Variants in RAD17 observed in about 807,000 individuals in gnomAD.
The protein encoded by RAD17 is cell cycle checkpoint protein RAD17.
Under a neutral mutation model 81.5 loss-of-function variants are expected in RAD17, and 31 were observed. The ratio of observed to expected loss-of-function variants is 0.38; its 90% CI spans 0.29 to 0.51. RAD17 has a LOEUF of 0.51. RAD17 is among the 20% of genes least tolerant of loss of function. The pLI is 0.88. For synonymous variants in RAD17, 261 were observed against 266.2 expected (o/e 0.98, Z 0.19); for missense variants, 681 against 781.2 (o/e 0.87, Z 1.53).
At position 69,372,055 on chromosome 5, in the gene RAD17, G is replaced by T. The variant is rs1451968153; in HGVS notation, c.-154G>T. The T allele has an allele frequency of 4.5e-6, 6 of 1,329,516 alleles. No homozygotes were observed. The highest frequency in any genetic ancestry group is 5.0e-6 in the Non-Finnish European group (5 of 1,008,144). 82.4% of individuals were successfully genotyped at this position (1,329,516 alleles called of 1,614,324 possible). ...TCAGTATATGGGAGTCCACATTTATGTAAGAAATGAAACTATAAAATGTAT... is the reference window on the plus strand; with the variant it reads ...TCAGTATATGGGAGTCCACATTTATTTAAGAAATGAAACTATAAAATGTAT... On this transcript the variant is annotated 5_prime_UTR_variant, in exon 4 of 19. It removes an upstream start codon present in the reference 5' UTR. Coordinates refer to ENST00000354868, the MANE Select transcript of RAD17 (RefSeq NM_133338.3).
intron 6 of RAD17, among the ~76,000 whole-genome samples, chr5:69,380,694 A>T (rs1175661456): frequency 1.3e-5 from 2 of 151,674 alleles, no homozygotes; most frequent in Non-Finnish European, 2.9e-5. Context: ...TTACGGTATG[A>T]GGGAATGTTA....
intron 17 of RAD17, among the ~76,000 whole-genome samples, chr5:69,401,689 A>T (rs891471937): frequency 2.6e-5 from 4 of 152,008 alleles, no homozygotes; most frequent in Non-Finnish European, 5.9e-5. Context: ...AATTGCTTTA[A>T]GAGTACACTA....
chr5:69,390,697 G>A (rs2150828564), intron 12 of RAD17, among the ~76,000 whole-genome samples: 1 of 152,016 alleles, frequency 6.6e-6, no homozygotes, highest in East Asian at 1.9e-4. Flanking sequence ...GCTCTCGCCT[G>A]TTATCCCAAC....
chr5:69,385,230 G>C (rs1764127915), intron 8 of RAD17, among the ~76,000 whole-genome samples: 1 of 149,524 alleles, frequency 6.7e-6, no homozygotes, highest in African/African-American at 2.5e-5. Context: ...AAAGTGCTGG[G>C]ATTACAGGCG....
chr5:69,393,057 G>T, intron 13 of RAD17, 98 bp from the exon 14 acceptor site: 1 of 671,262 alleles, frequency 1.5e-6, no homozygotes, highest in Non-Finnish European at 2.5e-6. Context: ...TTACTATGTT[G>T]GTATTGTATG....
At chr5:69,385,673 A>G (rs940773640) in intron 8 of RAD17, among the ~76,000 whole-genome samples, 1 of 152,230 alleles carries the variant, frequency 6.6e-6, no homozygotes, top group Non-Finnish European at 1.5e-5. Context: ...GTAAAATACA[A>G]CACAAAGGCT....
chr5:69,387,641 T>C (rs542099338), intron 11 of RAD17, among the ~76,000 whole-genome samples: 24 of 152,270 alleles, frequency 1.6e-4, no homozygotes, highest in East Asian at 1.2e-3. Flanking sequence ...GTGTATCACC[T>C]GAGGTCAGGA....
rs1379926052 is a variant in RAD17 at position 69,377,458 on chromosome 5, T to C, written c.351+2747T>C. On this transcript the variant is annotated intron_variant, in intron 6 of 18. Coordinates refer to ENST00000354868, the MANE Select transcript of RAD17 (RefSeq NM_133338.3). ...GTGTGTGTATATATATATATATATA[T>C]ATATATATATATATATACACACACA... is the stretch of plus-strand genomic sequence containing the variant. Among the ~76,000 whole-genome samples, 21 of 5,892 alleles carry C rather than the reference T, an allele frequency of 3.6e-3. 2 individuals carry two copies. The highest frequency in any genetic ancestry group is 0.014 in the East Asian group (3 of 210). The allele number at this position is 5,892 out of a possible 152,430, so 3.9% of individuals were successfully genotyped here.
intron 1 of RAD17, 56 bp from the exon 2 acceptor site, chr5:69,370,979 A>G (rs1228745502): frequency 4.6e-6 from 1 of 219,736 alleles, no homozygotes; most frequent in East Asian, 1.2e-4. Context: ...TTGTAATAAC[A>G]TGTTCAAATG....
At chr5:69,399,722 C>G (rs2150857430) in intron 16 of RAD17, among the ~76,000 whole-genome samples, 1 of 152,212 alleles carries the variant, frequency 6.6e-6, no homozygotes, top group South Asian at 2.1e-4. Context: ...TCATTGAAAA[C>G]TATTTTCGTG....
intron 16 of RAD17, among the ~76,000 whole-genome samples, chr5:69,398,811 GA>G (rs199980093): frequency 0.036 from 2,446 of 67,358 alleles, 58 homozygotes; most frequent in East Asian, 0.15. Context: ...GTCTCAGAAA[GA>G]AAAAAAAAAA....
intron 1 of RAD17, chr5:69,370,831 T>G: frequency 5.0e-6 from 1 of 201,308 alleles, no homozygotes; most frequent in East Asian, 1.4e-4. Context: ...TGTAAAGTAG[T>G]CCAGTATACT....
At chr5:69,373,070 A>T (rs1447399927) in intron 4 of RAD17, among the ~76,000 whole-genome samples, 1 of 152,208 alleles carries the variant, frequency 6.6e-6, no homozygotes, top group African/African-American at 2.4e-5. Context: ...TCAAGCTGAT[A>T]CGGATTATTT....
At chr5:69,392,733 T>C (rs1421611188) in intron 13 of RAD17, 3 of 427,194 alleles carry the variant, frequency 7.0e-6, no homozygotes. Context: ...TCTCCTTTCT[T>C]TTCCTCCCCA....
At chr5:69,391,524 A>G (rs1012587829) in intron 12 of RAD17, among the ~76,000 whole-genome samples, 5 of 152,170 alleles carry the variant, frequency 3.3e-5, no homozygotes. Flanking sequence ...TGCAAGTTTC[A>G]TATTTTGGAG....
chr5:69,411,679 G>A (rs1004630471), intron 18 of RAD17, among the ~76,000 whole-genome samples: 4 of 152,098 alleles, frequency 2.6e-5, no homozygotes, highest in East Asian at 1.9e-4. Flanking sequence ...TTGAAGCATC[G>A]TCCCACTGGG....
intron 6 of RAD17, among the ~76,000 whole-genome samples, chr5:69,377,598 C>CAT (rs374534169): frequency 5.7e-4 from 3 of 5,274 alleles, no homozygotes; most frequent in Non-Finnish European, 3.7e-3. Context: ...TATATATATG[C>CAT]ATATATATAT....
At position 69,414,556 on chromosome 5, in the gene RAD17, T is replaced by C. The variant is rs1766262183; in HGVS notation, c.*264T>C. ...GCGGTCAGTGTGTATAAAGTGTGTT[T>C]GAACATTATGCCAAATATCAAGATG... On this transcript the variant is annotated 3_prime_UTR_variant, in exon 19 of 19. Coordinates refer to ENST00000354868, the MANE Select transcript of RAD17 (RefSeq NM_133338.3). The C allele has an allele frequency of 2.0e-6, 1 of 491,476 alleles. No homozygotes were observed. Among genetic ancestry groups the C allele is most frequent in the East Asian group, 3.4e-5 (1 of 29,280 alleles). 30.4% of individuals were successfully genotyped at this position (491,476 alleles called of 1,614,324 possible). A position where few individuals can be genotyped will look rare whatever the true frequency, so the allele number is the denominator to read the frequency against.
In RAD17 at chr5:69,403,568, A is replaced by G. The variant is rs74829669; in HGVS notation, c.1693+3399A>G. ...TAAGATAAAACACTTCATTGTATCA[A>G]AGTAGATATTTAGTCTTTAATCCTT... On this transcript the variant is annotated intron_variant, in intron 17 of 18. Transcript: ENST00000354868. 3.0e-3 allele frequency among the ~76,000 whole-genome samples: 461 copies of G among 152,328 alleles called. 2 individuals carry two copies. The highest frequency in any genetic ancestry group is 0.011 in the African/African-American group (441 of 41,572).
Sources: gnomAD v4.1 joint callset for allele counts (sites outside exome capture counted in the v4.1 genomes callset) on GRCh38, gnomAD v4.1.1 for gene constraint, MANE v1.5 for transcripts, NCBI Gene and HGNC (gene_info 2026-07-23, HGNC 2026-07-21) for gene names.